GAS7: variants seen among roughly 807,000 people sequenced by gnomAD.
The protein encoded by GAS7 is growth arrest-specific protein 7.
Under a neutral mutation model 71.1 loss-of-function variants are expected in GAS7, and 28 were observed. The ratio of observed to expected loss-of-function variants is 0.39; its 90% CI spans 0.29 to 0.54. GAS7 has a LOEUF of 0.54. GAS7 is among the 20% of genes least tolerant of loss of function. GAS7 has a pLI of 0.62. For missense variants in GAS7, 436 were observed against 627.8 expected, an observed-to-expected ratio of 0.69 and a Z score of 3.27; for synonymous variants, 258 against 245.8, an observed-to-expected ratio of 1.05 and a Z score of -0.46.
Position 9,917,083 on chromosome 17 carries a change from G to A in GAS7, c.*145C>T, listed in dbSNP as rs546590846. On this transcript the variant is annotated 3_prime_UTR_variant, in exon 14 of 14. Coordinates refer to ENST00000432992, the MANE Select transcript of GAS7 (RefSeq NM_201433.2). Reference sequence around the variant, plus strand: ...GGGGGAGCCCCCAGCTAGGCTGTCCGGGTCACCCTTCTGGAATCACCAGCT... The same window carrying A: ...GGGGGAGCCCCCAGCTAGGCTGTCCAGGTCACCCTTCTGGAATCACCAGCT... The A allele has an allele frequency of 2.2e-5, 14 of 636,708 alleles. No individual in the cohort carries two copies. Among genetic ancestry groups the A allele is most frequent in the South Asian group, 8.9e-5 (5 of 56,214 alleles). 39.4% of individuals were successfully genotyped at this position (636,708 alleles called of 1,614,324 possible). A position where few individuals can be genotyped will look rare whatever the true frequency, so the allele number is the denominator to read the frequency against.
At chr17:10,141,716 C>T (rs2074082736) in intron 1 of GAS7, among the ~76,000 whole-genome samples, 2 of 152,264 alleles carry the variant, frequency 1.3e-5, no homozygotes, top group South Asian at 2.1e-4. Context: ...AGTTCTGGTA[C>T]CTCTCTACAC....
At chr17:9,939,986 T>C in intron 8 of GAS7, 140 bp downstream of exon 8, 1 of 707,068 alleles carries the variant, frequency 1.4e-6, no homozygotes. Context: ...ACCTGAGCCA[T>C]GAGTGCCCAC....
rs933212833 is a variant in GAS7 at position 9,974,736 on chromosome 17, G to C, written c.386-4974C>G. Among the ~76,000 whole-genome samples, 13 of 152,084 alleles carry C rather than the reference G, an allele frequency of 8.5e-5. No homozygotes were observed. Among genetic ancestry groups the C allele is most frequent in the Admixed American group, 2.6e-4 (4 of 15,274 alleles). On this transcript the variant is annotated intron_variant, in intron 3 of 13. Coordinates refer to ENST00000432992, the MANE Select transcript of GAS7 (RefSeq NM_201433.2). The surrounding 1 kb of genome is among the most constrained non-coding windows in gnomAD (Gnocchi z 4.0). ...ATATTTGGGTAGAAAAGAGGAGGGA[G>C]GTCTGGGTAGGGAGAAGTCAACAGA...
At chr17:10,131,183 C>T (rs1200686573) in intron 1 of GAS7, among the ~76,000 whole-genome samples, 1 of 152,214 alleles carries the variant, frequency 6.6e-6, no homozygotes, top group Admixed American at 6.5e-5. Context: ...TATATCTAGA[C>T]CTCGAAGAGC....
chr17:10,111,230 G>T (rs1026914720), intron 1 of GAS7, among the ~76,000 whole-genome samples: 2 of 152,052 alleles, frequency 1.3e-5, no homozygotes, highest in African/African-American at 4.8e-5. Flanking sequence ...GTGAAACCCC[G>T]TCTCTACTAA....
intron 1 of GAS7, among the ~76,000 whole-genome samples, chr17:10,022,442 A>G (rs2072306193): frequency 6.6e-6 from 1 of 152,198 alleles, no homozygotes; most frequent in Non-Finnish European, 1.5e-5. Context: ...AGGATCAAAT[A>G]TTGACATGGT....
At chr17:10,179,288 G>A (rs139667106) in intron 1 of GAS7, among the ~76,000 whole-genome samples, 77 of 151,600 alleles carry the variant, frequency 5.1e-4, no homozygotes, top group African/African-American at 1.6e-3. Flanking sequence ...GAGATCGATC[G>A]TTCCATTGCA....
At chr17:10,150,980 T>C (rs79461688) in intron 1 of GAS7, among the ~76,000 whole-genome samples, 3,642 of 152,250 alleles carry the variant, frequency 0.024, 86 homozygotes, top group East Asian at 0.12. Context: ...TTTCCCCACC[T>C]GTAAAATGGG....
chr17:10,154,619 C>A (rs556894467), intron 1 of GAS7, among the ~76,000 whole-genome samples: 2 of 152,200 alleles, frequency 1.3e-5, no homozygotes, highest in South Asian at 2.1e-4. Context: ...TTGAGACCAG[C>A]CAGGGCAGTA....
chr17:9,952,494 C>T (rs773884772), intron 5 of GAS7, among the ~76,000 whole-genome samples: 25 of 152,226 alleles, frequency 1.6e-4, no homozygotes, highest in Non-Finnish European at 2.5e-4. Context: ...CGGGTTCAAG[C>T]GATTCTCCTG....
intron 1 of GAS7, among the ~76,000 whole-genome samples, chr17:10,093,007 A>C (rs547154093): frequency 6.6e-6 from 1 of 152,228 alleles, no homozygotes. Flanking sequence ...GTAAGTTCAC[A>C]GACTCTAAGG....
At chr17:10,106,754 A>G (rs1476440) in intron 1 of GAS7, among the ~76,000 whole-genome samples, 83,160 of 149,786 alleles carry the variant, frequency 0.56, 23,778 homozygotes, top group East Asian at 0.72. Context: ...TTATTAAAAG[A>G]TACCCGCTGT....
At chr17:9,921,041 C>G (rs2067787513) in intron 11 of GAS7, among the ~76,000 whole-genome samples, 1 of 152,144 alleles carries the variant, frequency 6.6e-6, no homozygotes, top group South Asian at 2.1e-4. Flanking sequence ...AGAGCCCACA[C>G]CAAGGCATTT....
At chr17:10,015,220 G>C (rs1293431132) in intron 2 of GAS7, among the ~76,000 whole-genome samples, 1 of 152,078 alleles carries the variant, frequency 6.6e-6, no homozygotes, top group Non-Finnish European at 1.5e-5. Flanking sequence ...ATGTAAATTA[G>C]ACTTTCAACT....
chr17:10,023,104 A>G (rs2072333778), intron 1 of GAS7, among the ~76,000 whole-genome samples: 1 of 152,154 alleles, frequency 6.6e-6, no homozygotes, highest in African/African-American at 2.4e-5. Context: ...CCTGATACTG[A>G]GCCGTGAAGG....
chr17:10,037,335 C>T (rs1453233366), intron 1 of GAS7, among the ~76,000 whole-genome samples: 1 of 152,166 alleles, frequency 6.6e-6, no homozygotes, highest in Non-Finnish European at 1.5e-5. Flanking sequence ...CCTATCACTC[C>T]GTTTAGAAAG....
rs552201448 is a variant in GAS7 at position 9,969,678 on chromosome 17, T to G, written c.470A>C (p.Gln157Pro). 4.4e-6 allele frequency: 7 copies of G among 1,594,174 alleles called. No homozygotes were observed. Among genetic ancestry groups the G allele is most frequent in the Non-Finnish European group, 6.0e-6 (7 of 1,161,812 alleles). ...ACCTCCCTCAACAGGACCCCTTACC[T>G]GGGAATCACCGGTGGATTTTCGGAC... ...MSVRKSTGDSQNLGSSSPSKK... is the reference protein window; with the variant it reads ...MSVRKSTGDSPNLGSSSPSKK... Residue 157 changes from glutamine to proline, a missense_variant and splice_region_variant, in exon 4 of 14, where the codon CAG becomes CCG. Gln to Pro is a moderately conservative substitution (Grantham distance 76). Transcript: ENST00000432992. The surrounding 1 kb of genome is among the most constrained non-coding windows in gnomAD (Gnocchi z 5.5).
chr17:9,952,747 C>T (rs952174159), intron 5 of GAS7, among the ~76,000 whole-genome samples: 60 of 152,252 alleles, frequency 3.9e-4, no homozygotes, highest in African/African-American at 1.4e-3. Context: ...TGCAAAAATG[C>T]TCATCACCGC....
rs532023850 is a variant in GAS7, at chr17:9,913,262, C to G, written c.*3966G>C. The G allele has an allele frequency of 4.3e-6, 1 of 232,368 alleles. No homozygotes were observed. Among genetic ancestry groups the G allele is most frequent in the African/African-American group, 2.2e-5 (1 of 45,264 alleles). 14.4% of individuals were successfully genotyped at this position (232,368 alleles called of 1,614,324 possible). On this transcript the variant is annotated 3_prime_UTR_variant, in exon 14 of 14. Coordinates refer to ENST00000432992, the MANE Select transcript of GAS7 (RefSeq NM_201433.2). ...TGGGGATAAGACGATGTCCAGGCTA[C>G]GTGGGGGGGCAGCTGATCTGTACCC...
Sources: allele counts gnomAD v4.1 joint callset (sites outside exome capture counted in the v4.1 genomes callset), GRCh38; gene constraint gnomAD v4.1.1; non-coding constraint Gnocchi (gnomAD v3.1); transcripts MANE v1.5; gene names NCBI Gene and HGNC (gene_info 2026-07-23, HGNC 2026-07-21).